HSPB9: variants seen among roughly 807,000 people sequenced by gnomAD.
HSPB9 encodes the protein heat shock protein beta-9.
For missense variants in HSPB9, 203 were observed against 213.4 expected (o/e 0.95, Z 0.30); for synonymous variants, 98 against 92.7 (o/e 1.06, Z -0.33).
chr17:42,123,284 C>T lies in HSPB9; in HGVS notation c.434C>T (p.Pro145Leu), dbSNP rs781941486. ...ALPEAQTGPSPRLGSLGSKAS... is the reference protein window; with the variant it reads ...ALPEAQTGPSLRLGSLGSKAS... ...CCTGAAGCCCAAACAGGACCGTCCCCGAGACTCGGGAGCCTCGGCTCTAAG... is the reference window on the plus strand; with the variant it reads ...CCTGAAGCCCAAACAGGACCGTCCCTGAGACTCGGGAGCCTCGGCTCTAAG... Residue 145 changes from proline to leucine, a missense_variant, in exon 1 of 1, where the codon CCG becomes CTG. Transcript: ENST00000565659. 2.5e-6 allele frequency: 4 copies of T among 1,611,014 alleles called. No homozygotes were observed. Among genetic ancestry groups the T allele is most frequent in the Admixed American group, 1.7e-5 (1 of 60,000 alleles).
rs1555667894 is a variant in HSPB9 at position 42,123,002 on chromosome 17, G to C, written c.152G>C (p.Arg51Thr). 3 of 1,614,234 alleles carry C rather than the reference G, an allele frequency of 1.9e-6. No individual in the cohort carries two copies. Among genetic ancestry groups the C allele is most frequent in the Non-Finnish European group, 2.5e-6 (3 of 1,180,050 alleles). Residue 51 changes from arginine to threonine, a missense_variant, in exon 1 of 1, where the codon AGA becomes ACA. Coordinates refer to ENST00000565659, the MANE Select transcript of HSPB9 (RefSeq NM_033194.3). ...GCTCAGGAGGACAATGACCATGCCA[G>C]AGACGGTTTCCAAATGAAGCTGGAT... is the stretch of plus-strand genomic sequence containing the variant. ...PAAQEDNDHA[R>T]DGFQMKLDAH...
Position 42,122,870 on chromosome 17 carries a change from CCTT to C in HSPB9, c.23_25del (p.Phe8del). 2 of 1,611,746 alleles carry C rather than the reference CCTT, an allele frequency of 1.2e-6. No homozygotes were observed. Among genetic ancestry groups the C allele is most frequent in the Non-Finnish European group, 1.7e-6 (2 of 1,178,494 alleles). On this transcript the variant is annotated inframe_deletion, in exon 1 of 1. Coordinates refer to ENST00000565659, the MANE Select transcript of HSPB9 (RefSeq NM_033194.3). ...ACTCGGATGCAGAGAGTCGGTAACA[CCTT>C]CTCCAACGAGAGCCGGGTGGCATCC...
chr17:42,122,887 C>T lies in HSPB9; in HGVS notation c.37C>T (p.Arg13Trp), dbSNP rs1328393895. 30 of 1,612,878 alleles carry T rather than the reference C, an allele frequency of 1.9e-5. No homozygotes were observed. Among genetic ancestry groups the T allele is most frequent in the Non-Finnish European group, 2.5e-5 (30 of 1,179,354 alleles). ...RVGNTFSNES[R>W]VASRCPSVGL... ...CGGTAACACCTTCTCCAACGAGAGCCGGGTGGCATCCCGGTGTCCCAGCGT... is the reference window on the plus strand; with the variant it reads ...CGGTAACACCTTCTCCAACGAGAGCTGGGTGGCATCCCGGTGTCCCAGCGT... Residue 13 changes from arginine to tryptophan, a missense_variant, in exon 1 of 1, where the codon CGG becomes TGG. Physicochemically the swap from Arg to Trp is moderately radical, Grantham distance 101 (BLOSUM62 -3). Coordinates refer to ENST00000565659, the MANE Select transcript of HSPB9 (RefSeq NM_033194.3).
chr17:42,122,985 G>A lies in HSPB9; in HGVS notation c.135G>A (p.Glu45=). Residue 45 remains glutamate, a synonymous_variant, in exon 1 of 1, where the codon GAG becomes GAA. Transcript: ENST00000565659. Reference sequence around the variant, plus strand: ...TCAGGGACAGTCCAGCGGCTCAGGAGGACAATGACCATGCCAGAGACGGTT... The same window carrying A: ...TCAGGGACAGTCCAGCGGCTCAGGAAGACAATGACCATGCCAGAGACGGTT... ...RLLRDSPAAQ[E]DNDHARDGFQ... 1.9e-6 allele frequency: 3 copies of A among 1,614,166 alleles called. No individual in the cohort carries two copies. Among genetic ancestry groups the A allele is most frequent in the Non-Finnish European group, 2.5e-6 (3 of 1,180,042 alleles).
At position 42,123,202 on chromosome 17, in the gene HSPB9, T is replaced by A. The variant is rs781955230; in HGVS notation, c.352T>A (p.Cys118Ser). The change falls in exon 1 of 1, where the codon TGC becomes AGC. Residue 118 changes from cysteine (C) to serine (S), a missense_variant. Transcript: ENST00000565659. ...CCTGAGTCCTACCGCCATGACCTGC[T>A]GCCTGACCCCCTCCGGGCAGCTGTG... is the stretch of plus-strand genomic sequence containing the variant. ...SNLSPTAMTCCLTPSGQLWVR... is the reference protein window; with the variant it reads ...SNLSPTAMTCSLTPSGQLWVR... The A allele has an allele frequency of 6.2e-7, 1 of 1,614,056 alleles. No individual in the cohort carries two copies.
the HSPB9 span, chr17:42,123,077 G>A: frequency 6.2e-7 from 1 of 1,614,248 alleles, no homozygotes; most frequent in Non-Finnish European, 8.5e-7. Flanking sequence ...GATGGCCAAT[G>A]GCTGATGGTG....
chr17:42,122,898 C>T lies in HSPB9; in HGVS notation c.48C>T (p.Ser16=), dbSNP rs555571239. The T allele has an allele frequency of 3.1e-6, 5 of 1,613,458 alleles. No homozygotes were observed. In the African/African-American group the frequency reaches 6.7e-5, roughly 21 times the overall value. The part of the protein sequence containing the change: ...NTFSNESRVA[S]RCPSVGLAER... ...TCTCCAACGAGAGCCGGGTGGCATC[C>T]CGGTGTCCCAGCGTGGGCCTTGCTG... The change falls in exon 1 of 1, where the codon TCC becomes TCT. Residue 16 remains serine, a synonymous_variant. Coordinates refer to ENST00000565659, the MANE Select transcript of HSPB9 (RefSeq NM_033194.3).
rs1436059182 is a variant in HSPB9 at position 42,122,899 on chromosome 17, C to T, written c.49C>T (p.Arg17Trp). Residue 17 changes from arginine to tryptophan, a missense_variant, in exon 1 of 1, where the codon CGG (arginine) becomes TGG (tryptophan). Arg to Trp is a moderately radical substitution (Grantham distance 101, BLOSUM62 -3). Coordinates refer to ENST00000565659, the MANE Select transcript of HSPB9 (RefSeq NM_033194.3). ...CTCCAACGAGAGCCGGGTGGCATCC[C>T]GGTGTCCCAGCGTGGGCCTTGCTGA... ...TFSNESRVAS[R>W]CPSVGLAERN... 2.2e-5 allele frequency: 36 copies of T among 1,613,350 alleles called. No homozygotes were observed. The highest frequency in any genetic ancestry group is 3.1e-5 in the Non-Finnish European group (36 of 1,179,648).
At position 42,122,864 on chromosome 17, in the gene HSPB9, G is replaced by T. The variant is rs782359778; in HGVS notation, c.14G>T (p.Gly5Val). Residue 5 changes from glycine (G) to valine (V), a missense_variant, in exon 1 of 1, where the codon GGT (glycine) becomes GTT (valine). Gly to Val is a moderately radical substitution (Grantham distance 109). Transcript: ENST00000565659. The part of the protein sequence containing the change: MQRV[G>V]NTFSNESRVA... ...TTGCTGACTCGGATGCAGAGAGTCG[G>T]TAACACCTTCTCCAACGAGAGCCGG... The T allele has an allele frequency of 1.4e-5, 22 of 1,610,174 alleles. No individual in the cohort carries two copies. In the Admixed American group the frequency reaches 3.5e-4, roughly 26 times the overall value.
Position 42,123,349 on chromosome 17 carries a change from A to C in HSPB9, c.*19A>C, listed in dbSNP as rs201242382. 6.3e-7 allele frequency: 1 copy of C among 1,593,214 alleles called. No homozygotes were observed. Among genetic ancestry groups the C allele is most frequent in the Non-Finnish European group, 8.5e-7 (1 of 1,172,100 alleles). On this transcript the variant is annotated 3_prime_UTR_variant, in exon 1 of 1. Coordinates refer to ENST00000565659, the MANE Select transcript of HSPB9 (RefSeq NM_033194.3). ...CCGGTAAACAAACGACGCGATGTGC[A>C]GCAGCCTTGGTGTCCGTTGTCTTTT...
Position 42,123,047 on chromosome 17 carries a change from A to G in HSPB9, c.197A>G (p.Glu66Gly), listed in dbSNP as rs1555667919. The change falls in exon 1 of 1, where the codon GAG becomes GGG. Residue 66 changes from glutamate (E) to glycine (G), a missense_variant. By Grantham distance (98) the Glu-to-Gly change is moderately conservative. Coordinates refer to ENST00000565659, the MANE Select transcript of HSPB9 (RefSeq NM_033194.3). Reference sequence around the variant, plus strand: ...CTGGATGCCCACGGCTTCGCCCCGGAGGAACTGGTGGTGCAGGTGGATGGC... The same window carrying G: ...CTGGATGCCCACGGCTTCGCCCCGGGGGAACTGGTGGTGCAGGTGGATGGC... ...MKLDAHGFAP[E>G]ELVVQVDGQW... 6.2e-7 allele frequency: 1 copy of G among 1,614,186 alleles called. No individual in the cohort carries two copies. The highest frequency in any genetic ancestry group is 1.7e-5 in the Admixed American group (1 of 60,030).
rs1446338022 is a variant in HSPB9 at position 42,123,131 on chromosome 17, G to A, written c.281G>A (p.Ser94Asn). The change falls in exon 1 of 1, where the codon AGT (serine) becomes AAT (asparagine). Residue 94 changes from serine to asparagine, a missense_variant. Physicochemically the swap from Ser to Asn is conservative, Grantham distance 46. Coordinates refer to ENST00000565659, the MANE Select transcript of HSPB9 (RefSeq NM_033194.3). ...GACGTCAGGGACCCGGAAAGGGTCA[G>A]TTACCGCATGTCACAGAAGGTGCAC... ...QLDVRDPERV[S>N]YRMSQKVHRK... The A allele has an allele frequency of 1.9e-6, 3 of 1,614,100 alleles. No homozygotes were observed. The Admixed American group carries it at 5.0e-5, about 27-fold the overall frequency.
chr17:42,123,248 C>T lies in HSPB9; in HGVS notation c.398C>T (p.Ala133Val), dbSNP rs1555668015. The change falls in exon 1 of 1, where the codon GCG becomes GTG. Residue 133 changes from alanine (A) to valine (V), a missense_variant. Ala to Val is a moderately conservative substitution (Grantham distance 64, BLOSUM62 0). Coordinates refer to ENST00000565659, the MANE Select transcript of HSPB9 (RefSeq NM_033194.3). ...CTGTGGGTCAGAGGCCAGTGTGTGG[C>T]GCTGGCCCTCCCTGAAGCCCAAACA... ...GQLWVRGQCVALALPEAQTGP... is the reference protein window; with the variant it reads ...GQLWVRGQCVVLALPEAQTGP... The T allele has an allele frequency of 1.2e-6, 2 of 1,613,156 alleles. No homozygotes were observed. Among genetic ancestry groups the T allele is most frequent in the Non-Finnish European group, 1.7e-6 (2 of 1,180,016 alleles).
rs1555667939 is a variant in HSPB9, at chr17:42,123,091, G to A, written c.241G>A (p.Gly81Arg). Residue 81 changes from glycine (G) to arginine (R), a missense_variant, in exon 1 of 1, where the codon GGA becomes AGA. Physicochemically the swap from Gly to Arg is moderately radical, Grantham distance 125. Coordinates refer to ENST00000565659, the MANE Select transcript of HSPB9 (RefSeq NM_033194.3). Reference sequence around the variant, plus strand: ...GGATGGCCAATGGCTGATGGTGACCGGACAGCAGCAACTGGACGTCAGGGA... The same window carrying A: ...GGATGGCCAATGGCTGATGGTGACCAGACAGCAGCAACTGGACGTCAGGGA... ...QVDGQWLMVT[G>R]QQQLDVRDPE... The A allele has an allele frequency of 3.1e-6, 5 of 1,614,076 alleles. No homozygotes were observed. Among genetic ancestry groups the A allele is most frequent in the Middle Eastern group, 1.6e-4 (1 of 6,084 alleles).
At position 42,122,996 on chromosome 17, in the gene HSPB9, A is replaced by G. The variant is rs2054373265; in HGVS notation, c.146A>G (p.His49Arg). The G allele has an allele frequency of 1.9e-6, 3 of 1,614,208 alleles. No homozygotes were observed. Among genetic ancestry groups the G allele is most frequent in the Non-Finnish European group, 2.5e-6 (3 of 1,180,036 alleles). ...CCAGCGGCTCAGGAGGACAATGACC[A>G]TGCCAGAGACGGTTTCCAAATGAAG... is the stretch of plus-strand genomic sequence containing the variant. ...DSPAAQEDND[H>R]ARDGFQMKLD... Residue 49 changes from histidine (H) to arginine (R), a missense_variant, in exon 1 of 1, where the codon CAT becomes CGT. His to Arg is a conservative substitution (Grantham distance 29). Coordinates refer to ENST00000565659, the MANE Select transcript of HSPB9 (RefSeq NM_033194.3).
Position 42,122,819 on chromosome 17 carries a change from C to A in HSPB9, c.-32C>A, listed in dbSNP as rs782688330. 1 of 1,585,058 alleles carries A rather than the reference C, an allele frequency of 6.3e-7. No individual in the cohort carries two copies. The highest frequency in any genetic ancestry group is 1.1e-5 in the South Asian group (1 of 86,968). ...GCCTAGCTCTGCGCTGGGAGCCTCGCGCCCTTTGACAGCAGTTAGTTGCTG... is the reference window on the plus strand; with the variant it reads ...GCCTAGCTCTGCGCTGGGAGCCTCGAGCCCTTTGACAGCAGTTAGTTGCTG... On this transcript the variant is annotated 5_prime_UTR_variant, in exon 1 of 1. Coordinates refer to ENST00000565659, the MANE Select transcript of HSPB9 (RefSeq NM_033194.3).
chr17:42,122,910 C>T lies in HSPB9; in HGVS notation c.60C>T (p.Ser20=). Residue 20 remains serine (S), a synonymous_variant, in exon 1 of 1, where the codon AGC becomes AGT. Transcript: ENST00000565659. ...NESRVASRCP[S]VGLAERNRVA... The stretch of plus-strand genomic sequence containing the variant: ...GCCGGGTGGCATCCCGGTGTCCCAG[C>T]GTGGGCCTTGCTGAACGGAACCGGG... 3 of 1,613,978 alleles carry T rather than the reference C, an allele frequency of 1.9e-6. No homozygotes were observed. The highest frequency in any genetic ancestry group is 2.5e-6 in the Non-Finnish European group (3 of 1,180,014).
the HSPB9 span, chr17:42,123,145 C>T: frequency 8.4e-5 from 136 of 1,614,196 alleles, no homozygotes; most frequent in African/African-American, 1.7e-3. Context: ...CCGCATGTCA[C>T]AGAAGGTGCA....
At position 42,123,321 on chromosome 17, in the gene HSPB9, G is replaced by A; in HGVS notation, c.471G>A (p.Leu157=). The A allele has an allele frequency of 6.2e-7, 1 of 1,603,122 alleles. No individual in the cohort carries two copies. The highest frequency in any genetic ancestry group is 8.5e-7 in the Non-Finnish European group (1 of 1,176,246). The change falls in exon 1 of 1, where the codon CTG becomes CTA. Residue 157 remains leucine, a synonymous_variant. Transcript: ENST00000565659. The stretch of plus-strand genomic sequence containing the variant: ...GCCTCGGCTCTAAGGCTTCCAACCT[G>A]ACCCGGTAAACAAACGACGCGATGT... ...LGSLGSKASN[L]TR
Sources: gnomAD v4.1 joint callset for allele counts on GRCh38, gnomAD v4.1.1 for gene constraint, MANE v1.5 for transcripts, NCBI Gene and HGNC (gene_info 2026-07-23, HGNC 2026-07-21) for gene names.